The following HS3ST2 variants were observed in gnomAD, a reference collection of about 807,000 sequenced individuals.
HS3ST2 encodes the protein heparan sulfate glucosamine 3-O-sulfotransferase 2.
A neutral mutation model predicts 26.3 loss-of-function variants in HS3ST2; 17 were observed. The observed-to-expected ratio is 0.65, with a 90% CI of 0.44 to 0.97. HS3ST2 has a LOEUF of 0.97. Among genes scored for constraint, HS3ST2 ranks in the 50% least tolerant of loss-of-function variants. HS3ST2 has a pLI of 0.00. For synonymous variants in HS3ST2, 237 were observed against 219.2 expected, an observed-to-expected ratio of 1.08 and a Z score of -0.72; for missense variants, 402 against 501.2, an observed-to-expected ratio of 0.80 and a Z score of 1.89.
intron 1 of HS3ST2, among the ~76,000 whole-genome samples, chr16:22,842,187 G>A (rs71378487): frequency 0.021 from 3,101 of 150,218 alleles, 88 homozygotes; most frequent in Admixed American, 0.075. Flanking sequence ...TCAGCCTTCC[G>A]AGTAGCTGGG....
intron 1 of HS3ST2, among the ~76,000 whole-genome samples, chr16:22,861,592 C>T (rs1423605018): frequency 6.6e-6 from 1 of 152,098 alleles, no homozygotes; most frequent in African/African-American, 2.4e-5. Flanking sequence ...GAGACATTGA[C>T]AGTCAGAGAC....
intron 1 of HS3ST2, among the ~76,000 whole-genome samples, chr16:22,841,871 C>T (rs1901362786): frequency 6.6e-6 from 1 of 152,012 alleles, no homozygotes; most frequent in South Asian, 2.1e-4. Flanking sequence ...TCATTTAGCT[C>T]AGTATGGAAT....
chr16:22,843,257 G>A (rs1901384189), intron 1 of HS3ST2, among the ~76,000 whole-genome samples: 2 of 151,972 alleles, frequency 1.3e-5, no homozygotes, highest in Admixed American at 1.3e-4. Flanking sequence ...GCTGTACTAG[G>A]ACAAACTTTT....
At chr16:22,829,402 A>G (rs1901137175) in intron 1 of HS3ST2, among the ~76,000 whole-genome samples, 2 of 152,206 alleles carry the variant, frequency 1.3e-5, no homozygotes, top group Non-Finnish European at 1.5e-5. Flanking sequence ...TGATTGTCCC[A>G]TTTAGAGAGG....
intron 1 of HS3ST2, among the ~76,000 whole-genome samples, chr16:22,878,749 G>A (rs996826252): frequency 3.3e-5 from 5 of 152,192 alleles, no homozygotes; most frequent in Non-Finnish European, 5.9e-5. Flanking sequence ...AAGTGCCCCC[G>A]AGAGAGCAAC....
At chr16:22,823,552 C>T (rs1013027871) in intron 1 of HS3ST2, among the ~76,000 whole-genome samples, 3 of 151,068 alleles carry the variant, frequency 2.0e-5, no homozygotes, top group Admixed American at 6.6e-5. Context: ...TGGAGGCCGA[C>T]GCTGGGTAAT....
chr16:22,854,400 T>A (rs1465341478), intron 1 of HS3ST2, among the ~76,000 whole-genome samples: 1 of 152,160 alleles, frequency 6.6e-6, no homozygotes, highest in Admixed American at 6.6e-5. Flanking sequence ...GAAACACAGG[T>A]TCAGGTTTTT....
At chr16:22,859,984 C>T (rs1293697212) in intron 1 of HS3ST2, among the ~76,000 whole-genome samples, 1 of 152,122 alleles carries the variant, frequency 6.6e-6, no homozygotes, top group Non-Finnish European at 1.5e-5. Flanking sequence ...CTTCCTCAAA[C>T]ATGTCAGGTT....
chr16:22,821,013 G>A (rs1900983466), intron 1 of HS3ST2, among the ~76,000 whole-genome samples: 1 of 152,132 alleles, frequency 6.6e-6, no homozygotes, highest in Non-Finnish European at 1.5e-5. Flanking sequence ...GGACTCTCTG[G>A]ACCTTCCAAA....
chr16:22,836,198 C>T (rs1009331311), intron 1 of HS3ST2, among the ~76,000 whole-genome samples: 12 of 152,082 alleles, frequency 7.9e-5, no homozygotes, highest in Admixed American at 2.0e-4. Flanking sequence ...ACTCTGGTTA[C>T]GTGTTAAAGA....
At chr16:22,911,023 G>T (rs1902418469) in intron 1 of HS3ST2, among the ~76,000 whole-genome samples, 1 of 152,164 alleles carries the variant, frequency 6.6e-6, no homozygotes, top group African/African-American at 2.4e-5. Context: ...GGCTGGGAGT[G>T]TATGATGAGA....
chr16:22,886,251 C>G (rs1291462483), intron 1 of HS3ST2, among the ~76,000 whole-genome samples: 35 of 152,144 alleles, frequency 2.3e-4, no homozygotes, highest in Admixed American at 2.2e-3. Context: ...GAGCAATAAA[C>G]AAATTGAAAT....
chr16:22,888,013 A>C (rs999420343), intron 1 of HS3ST2, among the ~76,000 whole-genome samples: 1 of 152,222 alleles, frequency 6.6e-6, no homozygotes, highest in Non-Finnish European at 1.5e-5. Context: ...CTTGTTCTTC[A>C]GTTGGGACAA....
intron 1 of HS3ST2, among the ~76,000 whole-genome samples, chr16:22,838,478 C>T (rs980515576): frequency 1.3e-5 from 2 of 152,100 alleles, no homozygotes; most frequent in South Asian, 2.1e-4. Flanking sequence ...AGACCACAAA[C>T]GGCCTCTTTG....
chr16:22,909,645 G>T (rs1902397380), intron 1 of HS3ST2, among the ~76,000 whole-genome samples: 1 of 152,178 alleles, frequency 6.6e-6, no homozygotes, highest in Non-Finnish European at 1.5e-5. Context: ...GTACCCAGGA[G>T]CCCTTTGACT....
intron 1 of HS3ST2, among the ~76,000 whole-genome samples, chr16:22,888,340 A>T (rs1902088298): frequency 1.3e-5 from 2 of 151,088 alleles, no homozygotes; most frequent in South Asian, 4.2e-4. Context: ...TCACAGATAC[A>T]AAGGCTACTT....
chr16:22,915,196 C>T lies in HS3ST2; in HGVS notation c.738C>T (p.Asn246=), dbSNP rs1902477916. ...TGGGCCTGGTGGACGTGTCATGGAA[C>T]GCCATCCGCATCGGCATGTACGTGC... ...RTLGLVDVSW[N]AIRIGMYVLH... Residue 246 remains asparagine (N), a synonymous_variant, in exon 2 of 2, where the codon AAC becomes AAT. Transcript: ENST00000261374. 2.5e-6 allele frequency: 4 copies of T among 1,614,042 alleles called. No individual in the cohort carries two copies. In the Admixed American group the frequency reaches 5.0e-5, roughly 20 times the overall value.
intron 1 of HS3ST2, among the ~76,000 whole-genome samples, chr16:22,842,115 G>A (rs1901368286): frequency 1.4e-5 from 2 of 139,936 alleles, no homozygotes; most frequent in African/African-American, 5.4e-5. Context: ...AGGCTGGAGT[G>A]CAGTGGTACA....
At position 22,912,807 on chromosome 16, in the gene HS3ST2, C is replaced by T. The variant is rs140416539; in HGVS notation, c.486-2137C>T. Among the ~76,000 whole-genome samples the T allele has an allele frequency of 4.8e-3, 723 of 152,160 alleles. 11 individuals carry two copies. Among genetic ancestry groups the T allele is most frequent in the African/African-American group, 0.016 (682 of 41,514 alleles). On this transcript the variant is annotated intron_variant, in intron 1 of 1. Coordinates refer to ENST00000261374, the MANE Select transcript of HS3ST2 (RefSeq NM_006043.2). ...TTGCCATAGAAAGGGATGGTCACCT[C>T]GGGGCGTTGCCATGGCAATGGTAAG...
Sources: allele counts gnomAD v4.1 joint callset (sites outside exome capture counted in the v4.1 genomes callset), GRCh38; gene constraint gnomAD v4.1.1; transcripts MANE v1.5; gene names NCBI Gene and HGNC (gene_info 2026-07-23, HGNC 2026-07-21).